NRG3: variants seen among roughly 807,000 people sequenced by gnomAD.
NRG3 encodes the protein neuregulin 3, also known as pro-neuregulin-3, membrane-bound isoform.
A neutral mutation model predicts 66.9 loss-of-function variants in NRG3; 31 were observed. That is an observed-to-expected ratio of 0.46 (90% CI 0.35 to 0.63). The LOEUF is 0.63. NRG3 is among the 20% of genes least tolerant of loss of function. The probability of loss-of-function intolerance (pLI) is 0.00; values close to 1 mark genes in which losing one functional copy is unlikely to be tolerated. For missense variants in NRG3, 910 were observed against 878.9 expected (o/e 1.04, Z -0.45); for synonymous variants, 393 against 359.4 (o/e 1.09, Z -1.06).
intron 2 of NRG3, among the ~76,000 whole-genome samples, chr10:82,520,031 A>G (rs1846045883): frequency 6.6e-6 from 1 of 151,966 alleles, no homozygotes; most frequent in Non-Finnish European, 1.5e-5. Context: ...AATGAATATG[A>G]TGGGATGTGT....
At chr10:82,852,650 G>A (rs1033590536) in intron 3 of NRG3, among the ~76,000 whole-genome samples, 5 of 152,142 alleles carry the variant, frequency 3.3e-5, no homozygotes, top group African/African-American at 1.2e-4. Flanking sequence ...TTCAAGGAAG[G>A]ATGTGGATTC....
chr10:82,207,881 T>TG (rs990667047), intron 1 of NRG3, among the ~76,000 whole-genome samples: 1 of 152,000 alleles, frequency 6.6e-6, no homozygotes, highest in Non-Finnish European at 1.5e-5. Context: ...CCCTTGACAG[T>TG]GGGGATTATG....
chr10:81,952,666 A>C (rs760263297), intron 1 of NRG3, among the ~76,000 whole-genome samples: 4 of 152,106 alleles, frequency 2.6e-5, no homozygotes, highest in Non-Finnish European at 5.9e-5. Flanking sequence ...GTAGAGTGTC[A>C]CAATAATAGC....
At chr10:82,368,354 T>G (rs112362705) in intron 2 of NRG3, among the ~76,000 whole-genome samples, 1 of 138,670 alleles carries the variant, frequency 7.2e-6, no homozygotes, top group Admixed American at 6.8e-5. Context: ...CAGGCACAGA[T>G]ACATTATTTA....
intron 1 of NRG3, among the ~76,000 whole-genome samples, chr10:82,017,905 T>C (rs996651751): frequency 9.2e-5 from 14 of 152,216 alleles, no homozygotes; most frequent in Non-Finnish European, 2.9e-5. Context: ...TTCACTCTGA[T>C]GGCAGTTTCT....
intron 1 of NRG3, among the ~76,000 whole-genome samples, chr10:82,266,650 G>T (rs2078317541): frequency 1.3e-5 from 2 of 152,262 alleles, no homozygotes; most frequent in Middle Eastern, 3.4e-3. Context: ...GTCCAAGCTG[G>T]ATGATGTAAG....
At chr10:82,839,801 C>T (rs189005639) in intron 3 of NRG3, among the ~76,000 whole-genome samples, 1 of 151,968 alleles carries the variant, frequency 6.6e-6, no homozygotes, top group Non-Finnish European at 1.5e-5. Flanking sequence ...ATAAATGTTA[C>T]TCCAAAGTCT....
chr10:82,458,759 G>T (rs2091383413), intron 2 of NRG3, among the ~76,000 whole-genome samples: 1 of 152,140 alleles, frequency 6.6e-6, no homozygotes. Context: ...AAAAAGGGAA[G>T]AAAGAATATG....
chr10:81,913,271 A>G (rs1417780103), intron 1 of NRG3, among the ~76,000 whole-genome samples: 2 of 152,080 alleles, frequency 1.3e-5, no homozygotes, highest in Non-Finnish European at 2.9e-5. Flanking sequence ...TCTCCTCCTC[A>G]CCACCTTTGG....
intron 2 of NRG3, among the ~76,000 whole-genome samples, chr10:82,441,522 T>C (rs113764700): frequency 1.4e-3 from 218 of 152,288 alleles, no homozygotes; most frequent in African/African-American, 4.9e-3. Context: ...AAAAGTTGTA[T>C]AAATATCAGT....
chr10:82,724,008 T>TAAAAAAAAAA (rs1565242500), intron 2 of NRG3, among the ~76,000 whole-genome samples: 5 of 143,968 alleles, frequency 3.5e-5, no homozygotes, highest in African/African-American at 1.3e-4. Context: ...AAAAAAAATT[T>TAAAAAAAAAA]AAAAAATAAA....
chr10:82,189,285 TAG>T (rs2073995045), intron 1 of NRG3, among the ~76,000 whole-genome samples: 1 of 152,170 alleles, frequency 6.6e-6, no homozygotes, highest in Non-Finnish European at 1.5e-5. Flanking sequence ...ACCAAAATAA[TAG>T]AGTTAAACAT....
At chr10:82,714,346 T>A (rs1482937121) in intron 2 of NRG3, among the ~76,000 whole-genome samples, 2 of 152,198 alleles carry the variant, frequency 1.3e-5, no homozygotes, top group Admixed American at 6.5e-5. Context: ...AACTGAACTT[T>A]CCTTTCCACA....
chr10:82,255,263 C>T (rs549760695), intron 1 of NRG3, among the ~76,000 whole-genome samples: 3 of 152,124 alleles, frequency 2.0e-5, no homozygotes. Flanking sequence ...TCAAGGTCAT[C>T]ACAGACAAGC....
chr10:82,067,135 T>C (rs2064522956), intron 1 of NRG3, among the ~76,000 whole-genome samples: 1 of 152,110 alleles, frequency 6.6e-6, no homozygotes, highest in African/African-American at 2.4e-5. Context: ...CCCAAAACAG[T>C]GGAGCACTTC....
At chr10:81,918,177 C>A (rs1334074017) in intron 1 of NRG3, among the ~76,000 whole-genome samples, 1 of 152,156 alleles carries the variant, frequency 6.6e-6, no homozygotes, top group African/African-American at 2.4e-5. Flanking sequence ...TTTATGTATT[C>A]ATATTCATTC....
intron 1 of NRG3, among the ~76,000 whole-genome samples, chr10:81,883,408 C>A (rs548977877): frequency 6.6e-6 from 1 of 152,166 alleles, no homozygotes; most frequent in African/African-American, 2.4e-5. Flanking sequence ...CATAGATTGC[C>A]ATTCCTGGGC....
At chr10:82,719,225 T>C (rs2057153486) in intron 2 of NRG3, among the ~76,000 whole-genome samples, 1 of 152,096 alleles carries the variant, frequency 6.6e-6, no homozygotes, top group Non-Finnish European at 1.5e-5. Flanking sequence ...GAAGTAATAG[T>C]GTAGATTCCA....
intron 2 of NRG3, among the ~76,000 whole-genome samples, chr10:82,377,723 G>A (rs1466531506): frequency 6.6e-6 from 1 of 152,166 alleles, no homozygotes; most frequent in Non-Finnish European, 1.5e-5. Context: ...GAACAGTCAT[G>A]GTGTGTCTGT....
Sources: allele counts gnomAD v4.1 joint callset (sites outside exome capture counted in the v4.1 genomes callset), GRCh38; gene constraint gnomAD v4.1.1; transcripts MANE v1.5; gene names NCBI Gene and HGNC (gene_info 2026-07-23, HGNC 2026-07-21).